BCL2L1: variants seen among roughly 807,000 people sequenced by gnomAD.
BCL2L1 encodes bcl-2-like protein 1.
In BCL2L1, 1 loss-of-function variant was observed where a neutral mutation model predicts 18.7. That is an observed-to-expected ratio of 0.05 (90% CI 0.02 to 0.25). The LOEUF (loss-of-function observed/expected upper bound fraction) is 0.25. Ranked by LOEUF, BCL2L1 falls within the 10% of genes least tolerant of loss-of-function variation. The pLI is 1.00. For synonymous variants in BCL2L1, 103 were observed against 122.7 expected (o/e 0.84, Z 1.06); for missense variants, 207 against 304.9 (o/e 0.68, Z 2.39).
At chr20:31,695,569 C>A (rs2061153545) in intron 2 of BCL2L1, among the ~76,000 whole-genome samples, 1 of 152,176 alleles carries the variant, frequency 6.6e-6, no homozygotes, top group African/African-American at 2.4e-5. Context: ...TGGATTTAAG[C>A]CATCTTCCTG....
intron 2 of BCL2L1, among the ~76,000 whole-genome samples, chr20:31,699,183 C>A (rs1342467271): frequency 6.6e-6 from 1 of 152,212 alleles, no homozygotes; most frequent in East Asian, 1.9e-4. Context: ...CATGAACAAG[C>A]TTTTAAAAAC....
chr20:31,720,827 G>A, intron 2 of BCL2L1: 7 of 985,430 alleles, frequency 7.1e-6, no homozygotes, highest in Non-Finnish European at 8.4e-6. Context: ...CAAAGACTAG[G>A]TTCTTGCTTT....
chr20:31,668,108 C>T (rs1375838893), intron 2 of BCL2L1, among the ~76,000 whole-genome samples: 1 of 152,026 alleles, frequency 6.6e-6, no homozygotes, highest in Admixed American at 6.5e-5. Flanking sequence ...CCTTGCTGTT[C>T]CTCCAACGTC....
intron 2 of BCL2L1, among the ~76,000 whole-genome samples, chr20:31,719,830 T>C (rs1189077887): frequency 6.6e-6 from 1 of 152,174 alleles, no homozygotes; most frequent in Non-Finnish European, 1.5e-5. Flanking sequence ...ACAACCCACC[T>C]GGTATTAGGA....
At chr20:31,715,549 C>G (rs1282531410) in intron 2 of BCL2L1, among the ~76,000 whole-genome samples, 1 of 152,160 alleles carries the variant, frequency 6.6e-6, no homozygotes, top group Non-Finnish European at 1.5e-5. Flanking sequence ...CACCTCCTTA[C>G]CTCATTTAGC....
chr20:31,701,035 T>C (rs2061270060), intron 2 of BCL2L1, among the ~76,000 whole-genome samples: 1 of 151,754 alleles, frequency 6.6e-6, no homozygotes, highest in Non-Finnish European at 1.5e-5. Context: ...TCTGGGACAA[T>C]CCCAAGGTCA....
intron 2 of BCL2L1, among the ~76,000 whole-genome samples, chr20:31,700,066 C>T (rs1474306139): frequency 6.6e-6 from 1 of 152,182 alleles, no homozygotes; most frequent in Non-Finnish European, 1.5e-5. Context: ...GCATTTAACC[C>T]AATCCCTGAA....
intron 2 of BCL2L1, among the ~76,000 whole-genome samples, chr20:31,692,866 A>G (rs2061099597): frequency 6.6e-6 from 1 of 151,896 alleles, no homozygotes; most frequent in East Asian, 1.9e-4. Flanking sequence ...CCAAGATCGC[A>G]CCACACTGCA....
intron 2 of BCL2L1, among the ~76,000 whole-genome samples, chr20:31,699,707 C>A (rs1031000768): frequency 6.6e-6 from 1 of 152,212 alleles, no homozygotes; most frequent in Admixed American, 6.5e-5. Context: ...GGATTCACCA[C>A]GTAAAGCTGC....
intron 2 of BCL2L1, among the ~76,000 whole-genome samples, chr20:31,698,927 G>GT (rs1001710487): frequency 1.5e-4 from 23 of 151,414 alleles, no homozygotes; most frequent in African/African-American, 3.6e-4. Flanking sequence ...AATGTAAGCA[G>GT]TTTTTTTTTG....
intron 2 of BCL2L1, among the ~76,000 whole-genome samples, chr20:31,696,907 T>C (rs1450152193): frequency 6.6e-6 from 1 of 151,802 alleles, no homozygotes; most frequent in Non-Finnish European, 1.5e-5. Flanking sequence ...AATACAAAAA[T>C]TAGCTGGGCA....
intron 2 of BCL2L1, among the ~76,000 whole-genome samples, chr20:31,695,932 T>G (rs1224582966): frequency 2.0e-5 from 3 of 152,148 alleles, no homozygotes; most frequent in African/African-American, 7.2e-5. Flanking sequence ...CCTATATCAC[T>G]AAATACTACC....
intron 2 of BCL2L1, among the ~76,000 whole-genome samples, chr20:31,709,604 C>A (rs1416352604): frequency 6.6e-6 from 1 of 151,894 alleles, no homozygotes; most frequent in African/African-American, 2.4e-5. Flanking sequence ...GAGGCTGAGG[C>A]GGGTGGATCA....
chr20:31,691,236 C>A (rs1483549052), intron 2 of BCL2L1, among the ~76,000 whole-genome samples: 1 of 129,614 alleles, frequency 7.7e-6, no homozygotes, highest in African/African-American at 2.8e-5. Flanking sequence ...TAACTTAAGT[C>A]ATAAATAATT....
At chr20:31,697,936 G>A (rs1385262940) in intron 2 of BCL2L1, among the ~76,000 whole-genome samples, 1 of 136,570 alleles carries the variant, frequency 7.3e-6, no homozygotes, top group African/African-American at 3.5e-5. Flanking sequence ...TGCCCAGGCT[G>A]GAGTGCAGTG....
intron 2 of BCL2L1, among the ~76,000 whole-genome samples, chr20:31,692,910 TA>T (rs537626818): frequency 8.2e-4 from 116 of 141,688 alleles, no homozygotes; most frequent in Admixed American, 1.0e-3. Flanking sequence ...GACTCGGTCT[TA>T]AAAAAAAAAA....
intron 2 of BCL2L1, among the ~76,000 whole-genome samples, chr20:31,669,516 A>C (rs1326703278): frequency 6.7e-6 from 1 of 148,788 alleles, no homozygotes; most frequent in African/African-American, 2.5e-5. Context: ...GCAGTGGTGC[A>C]ATCTTGGCTC....
intron 2 of BCL2L1, chr20:31,721,024 TAGG>T (rs1027823621): frequency 5.2e-6 from 5 of 969,386 alleles, no homozygotes; most frequent in Non-Finnish European, 6.1e-6. Flanking sequence ...GAAATGAACT[TAGG>T]GGGCGCAGTG....
chr20:31,668,588 G>C (rs2060621918), intron 2 of BCL2L1, among the ~76,000 whole-genome samples: 1 of 148,390 alleles, frequency 6.7e-6, no homozygotes, highest in Non-Finnish European at 1.5e-5. Flanking sequence ...ACAGGCACGA[G>C]CCACCATATC....
Sources: allele counts gnomAD v4.1 joint callset (sites outside exome capture counted in the v4.1 genomes callset), GRCh38; gene constraint gnomAD v4.1.1; transcripts MANE v1.5; gene names NCBI Gene and HGNC (gene_info 2026-07-23, HGNC 2026-07-21).